The following DCAF17 variants were observed in gnomAD, a reference collection of about 807,000 sequenced individuals.
DCAF17 encodes the protein DDB1 and CUL4 associated factor 17, also known as DDB1- and CUL4-associated factor 17.
In DCAF17, 48 loss-of-function variants were observed where a neutral mutation model predicts 66.0. The observed-to-expected ratio is 0.73, with a 90% CI of 0.58 to 0.92. The LOEUF is 0.92. DCAF17 is among the 40% of genes least tolerant of loss of function. The pLI, the probability that DCAF17 is intolerant of heterozygous loss-of-function variation, is 0.00. For synonymous variants in DCAF17, 206 were observed against 214.6 expected (o/e 0.96, Z 0.35); for missense variants, 562 against 622.8 (o/e 0.90, Z 1.04).
At chr2:171,437,306 AGC>A (rs1694030079) in intron 2 of DCAF17, among the ~76,000 whole-genome samples, 1 of 152,118 alleles carries the variant, frequency 6.6e-6, no homozygotes, top group African/African-American at 2.4e-5. Flanking sequence ...TTTAACATGC[AGC>A]TATACATTTG....
At position 171,482,965 on chromosome 2, in the gene DCAF17, G is replaced by C. The variant is rs776564383; in HGVS notation, c.*1851G>C. On this transcript the variant is annotated 3_prime_UTR_variant, in exon 14 of 14. Coordinates refer to ENST00000375255, the MANE Select transcript of DCAF17 (RefSeq NM_025000.4). ...GAAAGACAGTAAGGAGTTGTGGGCA[G>C]TGTAACAAACAGGAGAGCTATGCCC... 4.0e-5 allele frequency: 18 copies of C among 454,116 alleles called. No individual in the cohort carries two copies. Among genetic ancestry groups the C allele is most frequent in the African/African-American group, 3.4e-4 (17 of 50,128 alleles). 28.1% of individuals were successfully genotyped at this position (454,116 alleles called of 1,614,324 possible).
At position 171,453,180 on chromosome 2, in the gene DCAF17, T is replaced by C; in HGVS notation, c.594T>C (p.Phe198=). Residue 198 remains phenylalanine (F), a synonymous_variant, in exon 6 of 14, where the codon TTT becomes TTC. Coordinates refer to ENST00000375255, the MANE Select transcript of DCAF17 (RefSeq NM_025000.4). ...LYLAVFRVLP[F]SLVGILEINK... ...TTGCAGTGTTCCGAGTTCTACCTTT[T>C]TCACTTGTAGGGATTCTAGAGATCA... 1 of 1,613,284 alleles carries C rather than the reference T, an allele frequency of 6.2e-7. No individual in the cohort carries two copies. The highest frequency in any genetic ancestry group is 8.5e-7 in the Non-Finnish European group (1 of 1,179,572).
rs1696733058 is a variant in DCAF17 at position 171,481,271 on chromosome 2, C to A, written c.*157C>A. ...CTATGACTTCTTTTTTAAACTCTTG[C>A]TGTAAAAGATGGTGAGGACTTCATT... On this transcript the variant is annotated 3_prime_UTR_variant, in exon 14 of 14. Transcript: ENST00000375255. 3 of 911,938 alleles carry A rather than the reference C, an allele frequency of 3.3e-6. No homozygotes were observed. Among genetic ancestry groups the A allele is most frequent in the Non-Finnish European group, 5.3e-6 (3 of 570,258 alleles). 56.5% of individuals were successfully genotyped at this position (911,938 alleles called of 1,614,324 possible). A position where few individuals can be genotyped will look rare whatever the true frequency, so the allele number is the denominator to read the frequency against.
chr2:171,447,564 A>G (rs370669812), intron 3 of DCAF17: 1 of 171,826 alleles, frequency 5.8e-6, no homozygotes, highest in Non-Finnish European at 1.3e-5. Context: ...GGGTTTCGCC[A>G]TGTTGGCCAG....
At chr2:171,478,167 G>T in intron 12 of DCAF17, 97 bp downstream of exon 12, 2 of 1,139,072 alleles carry the variant, frequency 1.8e-6, no homozygotes, top group Non-Finnish European at 2.6e-6. Context: ...AGAGGTTGGG[G>T]TTGAGGGGTT....
At chr2:171,467,261 T>C (rs1023682252) in intron 8 of DCAF17, among the ~76,000 whole-genome samples, 1 of 151,852 alleles carries the variant, frequency 6.6e-6, no homozygotes, top group Non-Finnish European at 1.5e-5. Flanking sequence ...CCTAGAAATA[T>C]GGAAAAAATT....
intron 8 of DCAF17, among the ~76,000 whole-genome samples, chr2:171,462,615 G>A (rs755882378): frequency 6.6e-6 from 1 of 151,954 alleles, no homozygotes. Flanking sequence ...ACCCTTTATG[G>A]CCCCCAACAA....
At position 171,483,869 on chromosome 2, in the gene DCAF17, G is replaced by C. The variant is rs773555321; in HGVS notation, c.*2755G>C. On this transcript the variant is annotated 3_prime_UTR_variant, in exon 14 of 14. Coordinates refer to ENST00000375255, the MANE Select transcript of DCAF17 (RefSeq NM_025000.4). ...AGTGCAGAGGTGGGAAACATAACCAGATTTGTTCGGCATGAACTTGTGCCA... is the reference window on the plus strand; with the variant it reads ...AGTGCAGAGGTGGGAAACATAACCACATTTGTTCGGCATGAACTTGTGCCA... The C allele has an allele frequency of 1.6e-4, 73 of 453,930 alleles. No individual in the cohort carries two copies. In the Admixed American group the frequency reaches 1.7e-3, roughly 11 times the overall value. 28.1% of individuals were successfully genotyped at this position (453,930 alleles called of 1,614,324 possible).
intron 7 of DCAF17, 132 bp downstream of exon 7, chr2:171,458,207 G>T: frequency 9.5e-7 from 1 of 1,054,894 alleles, no homozygotes. Context: ...CTGTAGAAAT[G>T]TAGAAGACAA....
intron 1 of DCAF17, 64 bp downstream of exon 1, chr2:171,434,767 G>A (rs1390457876): frequency 7.2e-7 from 1 of 1,390,238 alleles, no homozygotes; most frequent in Non-Finnish European, 9.2e-7. Context: ...AGCCTCCTGC[G>A]GGGATGCGGT....
At chr2:171,468,564 A>G (rs1301822656) in intron 8 of DCAF17, among the ~76,000 whole-genome samples, 2 of 152,178 alleles carry the variant, frequency 1.3e-5, no homozygotes, top group East Asian at 3.8e-4. Flanking sequence ...AATGTCCGCT[A>G]CTTTTATTAA....
At chr2:171,469,397 GC>G in intron 9 of DCAF17, among the ~76,000 whole-genome samples, 1 of 152,252 alleles carries the variant, frequency 6.6e-6, no homozygotes, top group South Asian at 2.1e-4. Context: ...CTTCTCCACG[GC>G]TTGTTGCTCT....
rs1159914382 is a variant in DCAF17, at chr2:171,443,523, T to G, written c.231T>G (p.Ser77Arg). The change falls in exon 3 of 14, where the codon AGT becomes AGG. Residue 77 changes from serine (S) to arginine (R), a missense_variant and splice_region_variant. Physicochemically the swap from Ser to Arg is moderately radical, Grantham distance 110. Coordinates refer to ENST00000375255, the MANE Select transcript of DCAF17 (RefSeq NM_025000.4). ...YFDNYRRCVS[S>R]VASEPRKLYE... is the part of the protein sequence containing the mutation. ...ATCATTTATTTTTCTTTTTTCCCAG[T>G]GTTGCATCTGAGCCAAGAAAACTTT... 1 of 1,610,560 alleles carries G rather than the reference T, an allele frequency of 6.2e-7. No homozygotes were observed. The highest frequency in any genetic ancestry group is 8.5e-7 in the Non-Finnish European group (1 of 1,177,680).
At chr2:171,478,427 G>A (rs1696599282) in intron 12 of DCAF17, among the ~76,000 whole-genome samples, 1 of 152,052 alleles carries the variant, frequency 6.6e-6, no homozygotes, top group Non-Finnish European at 1.5e-5. Flanking sequence ...GGACTTTATG[G>A]TTTTTGCCTC....
At chr2:171,480,842 C>A (rs1000731829) in intron 13 of DCAF17, 132 bp from the exon 14 acceptor site, 1 of 1,127,656 alleles carries the variant, frequency 8.9e-7, no homozygotes, top group South Asian at 1.3e-5. Flanking sequence ...GAAAAATAAA[C>A]CTCTTTCTAG....
chr2:171,457,548 A>C (rs1476245031), intron 6 of DCAF17, among the ~76,000 whole-genome samples: 1 of 152,192 alleles, frequency 6.6e-6, no homozygotes, highest in Non-Finnish European at 1.5e-5. Context: ...ATTAACTAAA[A>C]ATTTGTCTCT....
At chr2:171,469,110 C>T in intron 9 of DCAF17, 80 bp downstream of exon 9, 2 of 1,482,270 alleles carry the variant, frequency 1.3e-6, no homozygotes, top group Non-Finnish European at 1.9e-6. Context: ...GCCCACATTC[C>T]TAAGAATTAC....
chr2:171,461,553 A>G (rs1695587825), intron 8 of DCAF17, among the ~76,000 whole-genome samples: 1 of 152,230 alleles, frequency 6.6e-6, no homozygotes, highest in African/African-American at 2.4e-5. Context: ...CTTGATGTGT[A>G]ATTTTCTAAT....
chr2:171,458,137 T>C, intron 7 of DCAF17, 62 bp downstream of exon 7: 4 of 1,469,758 alleles, frequency 2.7e-6, no homozygotes, highest in Non-Finnish European at 3.8e-6. Context: ...AAGTATGATT[T>C]TTTTTTTTAG....
Sources: allele counts gnomAD v4.1 joint callset (sites outside exome capture counted in the v4.1 genomes callset), GRCh38; gene constraint gnomAD v4.1.1; transcripts MANE v1.5; gene names NCBI Gene and HGNC (gene_info 2026-07-23, HGNC 2026-07-21).